CATSPERE: variants seen among roughly 807,000 people sequenced by gnomAD.
CATSPERE encodes the protein catsper channel auxiliary subunit epsilon, also known as cation channel sperm-associated auxiliary subunit epsilon.
Under a neutral mutation model 114.1 loss-of-function variants are expected in CATSPERE, and 93 were observed. The ratio of observed to expected loss-of-function variants is 0.81; its 90% CI spans 0.69 to 0.97. The LOEUF (loss-of-function observed/expected upper bound fraction) is 0.97, where lower values mean the gene tolerates loss of function less well. Ranked by LOEUF, CATSPERE falls within the 50% of genes least tolerant of loss-of-function variation. The probability of loss-of-function intolerance (pLI) is 0.00; values close to 1 mark genes in which losing one functional copy is unlikely to be tolerated. For synonymous variants in CATSPERE, 341 were observed against 384.1 expected, an observed-to-expected ratio of 0.89 and a Z score of 1.31; for missense variants, 1,058 against 1,131.6, an observed-to-expected ratio of 0.93 and a Z score of 0.93.
At chr1:244,534,431 T>C (rs1411560946) in intron 8 of CATSPERE, among the ~76,000 whole-genome samples, 2 of 152,154 alleles carry the variant, frequency 1.3e-5, no homozygotes, top group Non-Finnish European at 2.9e-5. Context: ...TTCTAGATCT[T>C]GTAAGCATGC....
At chr1:244,535,028 G>A (rs1356673434) in intron 8 of CATSPERE, among the ~76,000 whole-genome samples, 1 of 152,146 alleles carries the variant, frequency 6.6e-6, no homozygotes, top group Non-Finnish European at 1.5e-5. Flanking sequence ...ACTCTTGGTG[G>A]TCTTGGAAAA....
At chr1:244,536,503 A>T (rs1466750395) in intron 8 of CATSPERE, among the ~76,000 whole-genome samples, 1 of 152,100 alleles carries the variant, frequency 6.6e-6, no homozygotes, top group Non-Finnish European at 1.5e-5. Context: ...GCGTCATCTG[A>T]GTTCTGCCTG....
intron 5 of CATSPERE, among the ~76,000 whole-genome samples, chr1:244,480,636 G>GC (rs772282514): frequency 0.41 from 61,659 of 150,878 alleles, 13,145 homozygotes; most frequent in East Asian, 0.73. Context: ...AAGCATGGTT[G>GC]TTGCTGATAG....
rs142466617 is a variant in CATSPERE at position 244,629,891 on chromosome 1, C to T, written c.2649-5598C>T. On this transcript the variant is annotated intron_variant, in intron 20 of 21. Coordinates refer to ENST00000366534, the MANE Select transcript of CATSPERE (RefSeq NM_001130957.2). ...CTGACCTCAAGCAATCCACCTGCCT[C>T]AGCCTCCCAAACTGCTGGGATTACA... 6.0e-5 allele frequency among the ~76,000 whole-genome samples: 9 copies of T among 150,694 alleles called. No individual in the cohort carries two copies. In the East Asian group the frequency reaches 1.8e-3, roughly 30 times the overall value.
At chr1:244,458,392 ATAGTGGGTGTAGGCTTTT>A (rs1310437547), upstream of CATSPERE, among the ~76,000 whole-genome samples, 1 of 151,958 alleles carries the variant, frequency 6.6e-6, no homozygotes, top group African/African-American at 2.4e-5. Flanking sequence ...TGTAGCTTTA[ATAGTGGGTGTAGGCTTTT>A]GCCATCCACA....
chr1:244,476,161 C>T (rs1041848276), intron 2 of CATSPERE, among the ~76,000 whole-genome samples: 2 of 151,832 alleles, frequency 1.3e-5, no homozygotes, highest in African/African-American at 2.4e-5. Context: ...TTTTAGGGGC[C>T]GGGTACAGTG....
intron 17 of CATSPERE, among the ~76,000 whole-genome samples, chr1:244,595,335 T>C (rs1668247800): frequency 6.6e-6 from 1 of 152,184 alleles, no homozygotes; most frequent in Non-Finnish European, 1.5e-5. Flanking sequence ...AGCGAGGCTC[T>C]GGGAAATGCT....
intron 7 of CATSPERE, among the ~76,000 whole-genome samples, chr1:244,517,850 G>C (rs1676896559): frequency 6.6e-6 from 1 of 150,384 alleles, no homozygotes; most frequent in Non-Finnish European, 1.5e-5. Context: ...TCCCACAATG[G>C]GTTCTACTAT....
At chr1:244,458,777 A>G (rs1018837419), upstream of CATSPERE, among the ~76,000 whole-genome samples, 7 of 152,258 alleles carry the variant, frequency 4.6e-5, no homozygotes, top group Non-Finnish European at 7.3e-5. Context: ...GCATAAGTGC[A>G]GTAAGAATCT....
intron 12 of CATSPERE, among the ~76,000 whole-genome samples, chr1:244,583,652 G>GT: frequency 6.6e-6 from 1 of 152,308 alleles, no homozygotes; most frequent in South Asian, 2.1e-4. Flanking sequence ...ATACGATGAG[G>GT]TGGGAGCAAC....
chr1:244,502,603 T>G (rs1674230168), intron 7 of CATSPERE, among the ~76,000 whole-genome samples: 1 of 152,202 alleles, frequency 6.6e-6, no homozygotes, highest in Non-Finnish European at 1.5e-5. Context: ...CTTCCACTGT[T>G]GCTGTTAGGA....
intron 7 of CATSPERE, among the ~76,000 whole-genome samples, chr1:244,516,666 C>A (rs939503912): frequency 1.3e-5 from 2 of 152,020 alleles, no homozygotes; most frequent in African/African-American, 4.8e-5. Flanking sequence ...GGACTACAGG[C>A]GTGTGCTACC....
At chr1:244,566,310 G>A (rs899081539) in intron 10 of CATSPERE, among the ~76,000 whole-genome samples, 1 of 152,124 alleles carries the variant, frequency 6.6e-6, no homozygotes, top group Non-Finnish European at 1.5e-5. Context: ...GTCAATTTGG[G>A]GTGGAGAGTT....
intron 2 of CATSPERE, 130 bp downstream of exon 2, chr1:244,464,086 G>A (rs772304763): frequency 1.4e-6 from 1 of 699,718 alleles, no homozygotes; most frequent in South Asian, 1.8e-5. Context: ...TTCATCCGGT[G>A]TATTACCCTA....
chr1:244,539,202 A>G (rs1680835725), intron 8 of CATSPERE, among the ~76,000 whole-genome samples: 1 of 151,696 alleles, frequency 6.6e-6, no homozygotes, highest in Non-Finnish European at 1.5e-5. Context: ...AATTTTGTCA[A>G]AGGCCTTTTC....
intron 10 of CATSPERE, among the ~76,000 whole-genome samples, chr1:244,566,652 C>CTTTTTTTTTTTTTTTTTTTTTTTTTT (rs59466928): frequency 2.0e-5 from 1 of 49,068 alleles, no homozygotes; most frequent in Non-Finnish European, 7.0e-5. Flanking sequence ...GCAACCCCTG[C>CTTTTTTTTTTTTTTTTTTTTTTTTTT]TTTTTTTTTT....
At chr1:244,484,139 T>G (rs1670656089) in intron 5 of CATSPERE, among the ~76,000 whole-genome samples, 1 of 152,222 alleles carries the variant, frequency 6.6e-6, no homozygotes, top group Admixed American at 6.5e-5. Flanking sequence ...GGCTGTTCTG[T>G]TCAGCTGATC....
chr1:244,551,125 A>G (rs1660552785), intron 8 of CATSPERE, among the ~76,000 whole-genome samples: 1 of 152,208 alleles, frequency 6.6e-6, no homozygotes, highest in African/African-American at 2.4e-5. Flanking sequence ...CCCTCCCCCT[A>G]ACCTGTTATT....
chr1:244,563,614 T>C (rs1184283922), intron 10 of CATSPERE, among the ~76,000 whole-genome samples: 1 of 151,776 alleles, frequency 6.6e-6, no homozygotes, highest in East Asian at 1.9e-4. Context: ...GGGGTTATTT[T>C]TTCTTGTAAA....
Sources: gnomAD v4.1 joint callset for allele counts (sites outside exome capture counted in the v4.1 genomes callset) on GRCh38, gnomAD v4.1.1 for gene constraint, MANE v1.5 for transcripts, NCBI Gene and HGNC (gene_info 2026-07-23, HGNC 2026-07-21) for gene names.